ZNF530: variants seen among roughly 807,000 people sequenced by gnomAD.
ZNF530 encodes the protein zinc finger protein 530.
In ZNF530, 5 loss-of-function variants were observed where a neutral mutation model predicts 2.8. The observed-to-expected ratio is 1.80, with a 90% confidence interval of 0.94 to 3.78. ZNF530 has a LOEUF of 3.78. Ranked by LOEUF, ZNF530 falls within the 30% of genes most tolerant of loss-of-function variation. The probability of loss-of-function intolerance (pLI) is 0.00; values close to 1 mark genes in which losing one functional copy is unlikely to be tolerated. For missense variants in ZNF530, 619 were observed against 673.3 expected, an observed-to-expected ratio of 0.92 and a Z score of 0.89; for synonymous variants, 229 against 235.0, an observed-to-expected ratio of 0.97 and a Z score of 0.23.
intron 2 of ZNF530, among the ~76,000 whole-genome samples, chr19:57,602,694 C>T (rs1980303472): frequency 6.6e-6 from 1 of 152,244 alleles, no homozygotes; most frequent in African/African-American, 2.4e-5. Context: ...GTGGAGGCTG[C>T]ATTAGTCCAT....
chr19:57,600,197 G>C, intron 1 of ZNF530, 63 bp downstream of exon 1: 1 of 1,526,436 alleles, frequency 6.6e-7, no homozygotes, highest in Non-Finnish European at 8.9e-7. Context: ...GACGCGTGAA[G>C]GGTTTTCTGC....
Position 57,606,525 on chromosome 19 carries a change from C to T in ZNF530, c.901C>T (p.His301Tyr). Residue 301 changes from histidine to tyrosine, a missense_variant, in exon 4 of 4, where the codon CAC becomes TAC. By Grantham distance (83) the His-to-Tyr change is moderately conservative. Transcript: ENST00000597700. ...ECSECGKSFS[H>Y]STNLYRHRSA... Reference sequence around the variant, plus strand: ...CAGTGAATGTGGGAAATCTTTTAGCCACAGCACTAACCTCTATCGTCACAG... The same window carrying T: ...CAGTGAATGTGGGAAATCTTTTAGCTACAGCACTAACCTCTATCGTCACAG... 1 of 1,613,098 alleles carries T rather than the reference C, an allele frequency of 6.2e-7. No homozygotes were observed. Among genetic ancestry groups the T allele is most frequent in the Non-Finnish European group, 8.5e-7 (1 of 1,179,830 alleles).
chr19:57,606,935 ATCATT>A lies in ZNF530; in HGVS notation c.1313_1317del (p.Ser438Ter), dbSNP rs766049491. ...CTTATGAGTGCAGTGAATGTGAAAA[ATCATT>A]TAGTTGCAAAACTGACCTCATTCGA... is the stretch of plus-strand genomic sequence containing the variant. On this transcript the variant is annotated frameshift_variant, in exon 4 of 4. Transcript: ENST00000597700. LOFTEE classifies it low-confidence loss of function (END_TRUNC). The A allele has an allele frequency of 3.4e-5, 55 of 1,613,832 alleles. No individual in the cohort carries two copies. In the Middle Eastern group the frequency reaches 6.6e-4, roughly 19 times the overall value.
chr19:57,605,862 C>T lies in ZNF530; in HGVS notation c.238C>T (p.Pro80Ser). ...ILQMIELHAS[P>S]CGQKLYLGGA... ...ACAAATGATTGAGCTCCATGCCTCA[C>T]CCTGTGGACAGAAATTGTACTTGGG... The change falls in exon 4 of 4, where the codon CCC becomes TCC. Residue 80 changes from proline to serine, a missense_variant. Transcript: ENST00000597700. 6.2e-7 allele frequency: 1 copy of T among 1,614,208 alleles called. No individual in the cohort carries two copies. The highest frequency in any genetic ancestry group is 8.5e-7 in the Non-Finnish European group (1 of 1,180,048).
intron 3 of ZNF530, 171 bp from the exon 4 acceptor site, chr19:57,605,515 T>C (rs1305756755): frequency 6.7e-6 from 4 of 599,502 alleles, no homozygotes; most frequent in African/African-American, 5.6e-5. Context: ...GTGTCTTTCA[T>C]CTCATAAGGC....
At chr19:57,612,359 A>G (rs1980907088), downstream of ZNF530, 1 of 394,374 alleles carries the variant, frequency 2.5e-6, no homozygotes, top group Non-Finnish European at 4.5e-6. Context: ...TAAATGTCCC[A>G]TGCAGTTAAG....
At chr19:57,611,031 A>G (rs903058895), downstream of ZNF530, among the ~76,000 whole-genome samples, 6 of 152,218 alleles carry the variant, frequency 3.9e-5, no homozygotes, top group Non-Finnish European at 4.4e-5. Flanking sequence ...TTCTAAAAAT[A>G]GTAAACAACT....
At position 57,605,729 on chromosome 19, in the gene ZNF530, G is replaced by C; in HGVS notation, c.105G>C (p.Glu35Asp). The C allele has an allele frequency of 6.2e-7, 1 of 1,614,070 alleles. No individual in the cohort carries two copies. The highest frequency in any genetic ancestry group is 8.5e-7 in the Non-Finnish European group (1 of 1,179,970). ...GAVDEGTPSA[E>D]SVSVEELSQG... ...TAGATGAGGGGACGCCTTCTGCAGAGAGCGTTTCTGTGGAAGAACTGTCAC... is the reference window on the plus strand; with the variant it reads ...TAGATGAGGGGACGCCTTCTGCAGACAGCGTTTCTGTGGAAGAACTGTCAC... The change falls in exon 4 of 4, where the codon GAG becomes GAC. Residue 35 changes from glutamate (E) to aspartate (D), a missense_variant. Physicochemically the swap from Glu to Asp is conservative, Grantham distance 45 (BLOSUM62 2). Coordinates refer to ENST00000597700, the MANE Select transcript of ZNF530 (RefSeq NM_001321981.2).
chr19:57,603,760 G>A (rs921530020), intron 2 of ZNF530, among the ~76,000 whole-genome samples: 1 of 152,220 alleles, frequency 6.6e-6, no homozygotes, highest in Non-Finnish European at 1.5e-5. Flanking sequence ...ACCATCATAG[G>A]TCTGGGTAGT....
chr19:57,607,344 T>G lies in ZNF530; in HGVS notation c.*19T>G. ...GCAGTGAATGTGGGAAATTATTTTG[T>G]CACTTTTTTTTTTTTTTTTGAGATG... On this transcript the variant is annotated 3_prime_UTR_variant, in exon 4 of 4. Transcript: ENST00000597700. 14 of 1,514,284 alleles carry G rather than the reference T, an allele frequency of 9.2e-6. No homozygotes were observed. The highest frequency in any genetic ancestry group is 1.2e-5 in the Non-Finnish European group (14 of 1,143,654). 93.8% of individuals were successfully genotyped at this position (1,514,284 alleles called of 1,614,324 possible). A position where few individuals can be genotyped will look rare whatever the true frequency, so the allele number is the denominator to read the frequency against.
At position 57,606,529 on chromosome 19, in the gene ZNF530, G is replaced by A. The variant is rs1239696619; in HGVS notation, c.905G>A (p.Ser302Asn). 7 of 1,612,104 alleles carry A rather than the reference G, an allele frequency of 4.3e-6. No individual in the cohort carries two copies. Among genetic ancestry groups the A allele is most frequent in the Non-Finnish European group, 5.1e-6 (6 of 1,179,320 alleles). The change falls in exon 4 of 4, where the codon AGC becomes AAC. Residue 302 changes from serine to asparagine, a missense_variant. Coordinates refer to ENST00000597700, the MANE Select transcript of ZNF530 (RefSeq NM_001321981.2). ...CSECGKSFSH[S>N]TNLYRHRSAH... ...GAATGTGGGAAATCTTTTAGCCACAGCACTAACCTCTATCGTCACAGGAGT... is the reference window on the plus strand; with the variant it reads ...GAATGTGGGAAATCTTTTAGCCACAACACTAACCTCTATCGTCACAGGAGT...
chr19:57,602,555 G>A (rs1980294866), intron 2 of ZNF530, among the ~76,000 whole-genome samples: 1 of 152,162 alleles, frequency 6.6e-6, no homozygotes, highest in Admixed American at 6.5e-5. Context: ...CCATACTTGG[G>A]TATCTGGATG....
Position 57,606,551 on chromosome 19 carries a change from G to T in ZNF530, c.927G>T (p.Arg309Ser), listed in dbSNP as rs1430937634. 3.1e-6 allele frequency: 5 copies of T among 1,611,124 alleles called. No individual in the cohort carries two copies. The highest frequency in any genetic ancestry group is 1.4e-5 in the African/African-American group (1 of 73,836). The change falls in exon 4 of 4, where the codon AGG becomes AGT. Residue 309 changes from arginine (R) to serine (S), a missense_variant. By Grantham distance (110) the Arg-to-Ser change is moderately radical. Transcript: ENST00000597700. ...FSHSTNLYRH[R>S]SAHTSTRPYE... is the part of the protein sequence containing the mutation. ...ACAGCACTAACCTCTATCGTCACAG[G>T]AGTGCCCACACTAGCACAAGGCCTT...
Position 57,600,055 on chromosome 19 carries a change from G to A in ZNF530, c.-201G>A. 1 of 1,503,082 alleles carries A rather than the reference G, an allele frequency of 6.7e-7. No individual in the cohort carries two copies. Among genetic ancestry groups the A allele is most frequent in the Non-Finnish European group, 9.0e-7 (1 of 1,113,410 alleles). 93.1% of individuals were successfully genotyped at this position (1,503,082 alleles called of 1,614,324 possible). On this transcript the variant is annotated 5_prime_UTR_variant, in exon 1 of 4. Transcript: ENST00000597700. The stretch of plus-strand genomic sequence containing the variant: ...CGGCGGTGGTGACAGCTTTGCTCTT[G>A]TCTCCGCCCGGATCGTCCACCGCTC...
intron 2 of ZNF530, 74 bp from the exon 3 acceptor site, chr19:57,604,203 G>A: frequency 6.2e-7 from 1 of 1,605,630 alleles, no homozygotes. Flanking sequence ...GTGAGCCAGG[G>A]ATGGATGTTT....
chr19:57,606,881 A>G lies in ZNF530; in HGVS notation c.1257A>G (p.Arg419=), dbSNP rs772428121. Residue 419 remains arginine (R), a synonymous_variant, in exon 4 of 4, where the codon CGA becomes CGG. Coordinates refer to ENST00000597700, the MANE Select transcript of ZNF530 (RefSeq NM_001321981.2). ...KVFSQSSGLF[R]HRRAHTKTKP... ...TTAGCCAAAGCTCTGGCCTCTTTCGACACAGAAGAGCTCACACTAAAACAA... is the reference window on the plus strand; with the variant it reads ...TTAGCCAAAGCTCTGGCCTCTTTCGGCACAGAAGAGCTCACACTAAAACAA... 2.4e-5 allele frequency: 39 copies of G among 1,613,334 alleles called. 1 individual carries two copies. The South Asian group carries it at 4.1e-4, about 17-fold the overall frequency.
At position 57,609,113 on chromosome 19, in the gene ZNF530, T is replaced by TC. The variant is rs1980749780; in HGVS notation, c.*1788_*1789insC. 6.6e-6 allele frequency: 1 copy of TC among 151,834 alleles called. No individual in the cohort carries two copies. 9.4% of individuals were successfully genotyped at this position (151,834 alleles called of 1,614,324 possible). ...TCCGAGGCCATGGCGTGCAGATCAC[T>TC]TGAGGTCAGGAGTCAGAGACCAGAC... On this transcript the variant is annotated 3_prime_UTR_variant, in exon 4 of 4. Transcript: ENST00000597700.
downstream of ZNF530, among the ~76,000 whole-genome samples, chr19:57,610,803 A>G (rs527673290): frequency 3.3e-5 from 5 of 152,298 alleles, no homozygotes; most frequent in African/African-American, 9.6e-5. Context: ...TGCACATCTT[A>G]TAATTTCCAA....
At position 57,609,079 on chromosome 19, in the gene ZNF530, C is replaced by A. The variant is rs937674250; in HGVS notation, c.*1754C>A. 3 of 151,726 alleles carry A rather than the reference C, an allele frequency of 2.0e-5. No individual in the cohort carries two copies. The highest frequency in any genetic ancestry group is 2.9e-5 in the Non-Finnish European group (2 of 68,030). The allele number at this position is 151,726 out of a possible 1,614,324, so 9.4% of individuals were successfully genotyped here. ...GTCACAGTGGCTCATGCGTGTAATC[C>A]CTACACTTTCCGAGGCCATGGCGTG... On this transcript the variant is annotated 3_prime_UTR_variant, in exon 4 of 4. Transcript: ENST00000597700.
Sources: allele counts gnomAD v4.1 joint callset (sites outside exome capture counted in the v4.1 genomes callset), GRCh38; gene constraint gnomAD v4.1.1; transcripts MANE v1.5; gene names NCBI Gene and HGNC (gene_info 2026-07-23, HGNC 2026-07-21).